Variants in MCF2L2 observed in about 807,000 individuals in gnomAD.
MCF2L2 encodes the protein MCF.2 cell line derived transforming sequence-like 2.
A neutral mutation model predicts 150.2 loss-of-function variants in MCF2L2; 102 were observed. The observed-to-expected ratio is 0.68, with a 90% CI of 0.58 to 0.80. The LOEUF (loss-of-function observed/expected upper bound fraction) is 0.80, where lower values mean the gene tolerates loss of function less well. MCF2L2 is among the 30% of genes least tolerant of loss of function. The pLI is 0.00. For synonymous variants in MCF2L2, 465 were observed against 491.3 expected, an observed-to-expected ratio of 0.95 and a Z score of 0.71; for missense variants, 1,256 against 1,372.8, an observed-to-expected ratio of 0.91 and a Z score of 1.34.
Position 183,179,011 on chromosome 3 carries a change from T to A in MCF2L2, c.*369A>T, listed in dbSNP as rs1721412206. ...GCGGGGTGGAGGATGGGGTGGCGCATTCCTGGCACCTAGTGGGTAGAGGCC... is the reference window on the plus strand; with the variant it reads ...GCGGGGTGGAGGATGGGGTGGCGCAATCCTGGCACCTAGTGGGTAGAGGCC... On this transcript the variant is annotated 3_prime_UTR_variant, in exon 30 of 30. Transcript: ENST00000328913. The surrounding 1 kb of genome is among the most constrained non-coding windows in gnomAD (Gnocchi z 4.2). The A allele has an allele frequency of 5.2e-6, 1 of 191,122 alleles. No homozygotes were observed. The highest frequency in any genetic ancestry group is 6.1e-5 in the Admixed American group (1 of 16,364). The allele number at this position is 191,122 out of a possible 1,614,324, so 11.8% of individuals were successfully genotyped here.
chr3:183,344,071 G>C (rs1035108886), intron 3 of MCF2L2, among the ~76,000 whole-genome samples: 1 of 151,976 alleles, frequency 6.6e-6, no homozygotes, highest in African/African-American at 2.4e-5. Flanking sequence ...TCAGTAGGCT[G>C]TTCTGGGAGG....
chr3:183,283,899 TCTC>T lies in MCF2L2; in HGVS notation c.1776+5218_1776+5220del, dbSNP rs1318147500. ...TTGATGTCCTTGTGAGGAATTACTT[TCTC>T]TACCACATTATATATTCCTTTTACT... On this transcript the variant is annotated intron_variant, in intron 14 of 29. Transcript: ENST00000328913. This position sits in a 1 kb window ranked among gnomAD's most constrained non-coding sequence, Gnocchi z 4.2. Among the ~76,000 whole-genome samples the T allele has an allele frequency of 1.3e-5, 2 of 152,218 alleles. No homozygotes were observed. Among genetic ancestry groups the T allele is most frequent in the Non-Finnish European group, 2.9e-5 (2 of 68,032 alleles).
chr3:183,196,483 G>C (rs1168957870), intron 25 of MCF2L2, among the ~76,000 whole-genome samples: 1 of 152,090 alleles, frequency 6.6e-6, no homozygotes, highest in East Asian at 1.9e-4. Context: ...TGGAACCTGG[G>C]ACACCATCTT....
In MCF2L2 at chr3:183,311,695, G is replaced by A; in HGVS notation, c.831C>T (p.Asn277=). 2 of 1,614,136 alleles carry A rather than the reference G, an allele frequency of 1.2e-6. No individual in the cohort carries two copies. Among genetic ancestry groups the A allele is most frequent in the Non-Finnish European group, 1.7e-6 (2 of 1,180,000 alleles). The change falls in exon 8 of 30, where the codon AAC becomes AAT. Residue 277 remains asparagine (N), a synonymous_variant. Coordinates refer to ENST00000328913, the MANE Select transcript of MCF2L2 (RefSeq NM_015078.4). ...CIQEPATKCP[N]SKLNLNQLEN... The stretch of plus-strand genomic sequence containing the variant: ...CAAGTTGGTTGAGATTGAGTTTGCT[G>A]TTGGGACATTTGGTTGCTGGTTCTT...
chr3:183,275,325 A>G (rs192584172), intron 15 of MCF2L2, among the ~76,000 whole-genome samples: 1 of 152,324 alleles, frequency 6.6e-6, no homozygotes, highest in Admixed American at 6.5e-5. Context: ...TTAGTTATGC[A>G]GCAAAACTCA....
Position 183,340,381 on chromosome 3 carries a change from T to C in MCF2L2, c.366+1159A>G, listed in dbSNP as rs372392228. ...TCCATCCTCTTTAGCCAGTCCCAAC[T>C]GCCCCAGAGGGCCTATGCTCAGGTA... On this transcript the variant is annotated intron_variant, in intron 4 of 29. Transcript: ENST00000328913. Among the ~76,000 whole-genome samples, 21 of 152,268 alleles carry C rather than the reference T, an allele frequency of 1.4e-4. 1 individual carries two copies. The highest frequency in any genetic ancestry group is 1.0e-3 in the Admixed American group (16 of 15,290).
At chr3:183,405,615 TATC>T (rs758690716) in intron 1 of MCF2L2, among the ~76,000 whole-genome samples, 1 of 152,230 alleles carries the variant, frequency 6.6e-6, no homozygotes, top group Non-Finnish European at 1.5e-5. Flanking sequence ...GTATTCATAT[TATC>T]ATCTGTATCA....
At chr3:183,273,923 T>G (rs976294165) in intron 15 of MCF2L2, among the ~76,000 whole-genome samples, 1 of 152,132 alleles carries the variant, frequency 6.6e-6, no homozygotes, top group Non-Finnish European at 1.5e-5. Flanking sequence ...CACCTAAAGA[T>G]GCATTTATTG....
chr3:183,247,301 C>T (rs1031920042), intron 15 of MCF2L2, among the ~76,000 whole-genome samples: 3 of 152,164 alleles, frequency 2.0e-5, no homozygotes, highest in African/African-American at 7.2e-5. Context: ...GCCTGTACAG[C>T]AAGGACACAG....
At chr3:183,331,989 A>G (rs1217334460) in intron 5 of MCF2L2, among the ~76,000 whole-genome samples, 4 of 152,232 alleles carry the variant, frequency 2.6e-5, no homozygotes, top group Non-Finnish European at 5.9e-5. Flanking sequence ...TATACCAGTC[A>G]CACAAAATAA....
rs576313904 is a variant in MCF2L2, at chr3:183,290,020, G to A, written c.1676-800C>T. On this transcript the variant is annotated intron_variant, in intron 13 of 29. Transcript: ENST00000328913. ...CTTGGATTCAAAGACTAAATTCTAG[G>A]TACTACATTGTATTGAATATATTTT... Among the ~76,000 whole-genome samples the A allele has an allele frequency of 6.6e-5, 10 of 152,230 alleles. No homozygotes were observed. In the South Asian group the frequency reaches 1.9e-3, roughly 28 times the overall value.
chr3:183,195,543 A>C (rs1386127812), intron 25 of MCF2L2, among the ~76,000 whole-genome samples: 1 of 152,120 alleles, frequency 6.6e-6, no homozygotes, highest in Non-Finnish European at 1.5e-5. Flanking sequence ...CTCCATTAAT[A>C]CTGAATTAAG....
chr3:183,222,505 G>A lies in MCF2L2; in HGVS notation c.2301+841C>T, dbSNP rs192940518. On this transcript the variant is annotated intron_variant, in intron 20 of 29. Transcript: ENST00000328913. ...GCAGAGGTTGCAGTGAACTGAGATCGCGCCATTGCACTCCAGCCTAGGCAG... is the reference window on the plus strand; with the variant it reads ...GCAGAGGTTGCAGTGAACTGAGATCACGCCATTGCACTCCAGCCTAGGCAG... 7.9e-5 allele frequency among the ~76,000 whole-genome samples: 12 copies of A among 152,036 alleles called. No homozygotes were observed. The East Asian group carries it at 9.7e-4, about 12-fold the overall frequency.
chr3:183,338,194 C>T (rs1730562071), intron 5 of MCF2L2, among the ~76,000 whole-genome samples: 1 of 151,780 alleles, frequency 6.6e-6, no homozygotes, highest in Non-Finnish European at 1.5e-5. Context: ...TGTCTGTAAT[C>T]CCAGCACTTT....
intron 6 of MCF2L2, among the ~76,000 whole-genome samples, chr3:183,320,907 A>G (rs1400632607): frequency 6.6e-6 from 1 of 152,162 alleles, no homozygotes; most frequent in Non-Finnish European, 1.5e-5. Context: ...TTTCACTTGA[A>G]CACTTAGAGG....
chr3:183,219,837 A>T lies in MCF2L2; in HGVS notation c.2370+19T>A, dbSNP rs1334164817. On this transcript the variant is annotated intron_variant, in intron 21 of 29. Transcript: ENST00000328913. ...ATTAATAGTTAGTTATATAAAATGTAATATTTAATATTGAGTACCTTAGCC... is the reference window on the plus strand; with the variant it reads ...ATTAATAGTTAGTTATATAAAATGTTATATTTAATATTGAGTACCTTAGCC... The T allele has an allele frequency of 2.6e-6, 4 of 1,514,752 alleles. No homozygotes were observed. The East Asian group carries it at 9.0e-5, about 34-fold the overall frequency. 93.8% of individuals were successfully genotyped at this position (1,514,752 alleles called of 1,614,324 possible).
intron 25 of MCF2L2, among the ~76,000 whole-genome samples, chr3:183,205,078 A>T (rs952507431): frequency 2.0e-5 from 3 of 152,108 alleles, no homozygotes; most frequent in Non-Finnish European, 4.4e-5. Context: ...TTAGGCTGTT[A>T]AATACTTTAA....
At chr3:183,391,586 C>T (rs1714155067) in intron 1 of MCF2L2, among the ~76,000 whole-genome samples, 1 of 152,060 alleles carries the variant, frequency 6.6e-6, no homozygotes, top group South Asian at 2.1e-4. Context: ...TCCAGCACTC[C>T]CCTTCACTAA....
At chr3:183,250,207 C>T (rs1191096448) in intron 15 of MCF2L2, among the ~76,000 whole-genome samples, 1 of 152,144 alleles carries the variant, frequency 6.6e-6, no homozygotes, top group African/African-American at 2.4e-5. Flanking sequence ...ATTTATACAT[C>T]CCATTTTAGA....
Sources: allele counts gnomAD v4.1 joint callset (sites outside exome capture counted in the v4.1 genomes callset), GRCh38; gene constraint gnomAD v4.1.1; non-coding constraint Gnocchi (gnomAD v3.1); transcripts MANE v1.5; gene names NCBI Gene and HGNC (gene_info 2026-07-23, HGNC 2026-07-21).